POFUT2: variants seen among roughly 807,000 people sequenced by gnomAD.
The protein encoded by POFUT2 is protein O-fucosyltransferase 2, also known as GDP-fucose protein O-fucosyltransferase 2.
In POFUT2, 30 loss-of-function variants were observed where a neutral mutation model predicts 55.0. The ratio of observed to expected loss-of-function variants is 0.55; its 90% CI spans 0.41 to 0.74. The LOEUF is 0.74. POFUT2 is among the 30% of genes least tolerant of loss of function. The pLI, the probability that POFUT2 is intolerant of heterozygous loss-of-function variation, is 0.00. For synonymous variants in POFUT2, 267 were observed against 231.1 expected (o/e 1.16, Z -1.41); for missense variants, 524 against 562.6 (o/e 0.93, Z 0.69).
In POFUT2 at chr21:45,285,917, T is replaced by C. The variant is rs922990647; in HGVS notation, c.143A>G (p.Tyr48Cys). 6.2e-7 allele frequency: 1 copy of C among 1,607,132 alleles called. No individual in the cohort carries two copies. Among genetic ancestry groups the C allele is most frequent in the African/African-American group, 1.3e-5 (1 of 74,846 alleles). The change falls in exon 2 of 9, where the codon TAT becomes TGT. Residue 48 changes from tyrosine (Y) to cysteine (C), a missense_variant. Physicochemically the swap from Tyr to Cys is radical, Grantham distance 194. Coordinates refer to ENST00000349485, the MANE Select transcript of POFUT2 (RefSeq NM_133635.6). The surrounding 1 kb of genome is among the most constrained non-coding windows in gnomAD (Gnocchi z 4.9). ...GAASRRRYLL[Y>C]DVNPPEGFNL... is the part of the protein sequence containing the mutation. Reference sequence around the variant, plus strand: ...GAAGCCTTCCGGGGGGTTGACGTCATACAGAAGATACCTGAGCAGGGAGAA... The same window carrying C: ...GAAGCCTTCCGGGGGGTTGACGTCACACAGAAGATACCTGAGCAGGGAGAA...
intron 7 of POFUT2, among the ~76,000 whole-genome samples, chr21:45,268,244 C>G (rs1051612100): frequency 6.6e-6 from 1 of 152,252 alleles, no homozygotes; most frequent in Non-Finnish European, 1.5e-5. Flanking sequence ...CTCGGCCTCC[C>G]GAGGTGCTGG....
rs2093212635 is a variant in POFUT2 at position 45,270,804 on chromosome 21, A to G, written c.832-785T>C. Among the ~76,000 whole-genome samples, 1 of 152,112 alleles carries G rather than the reference A, an allele frequency of 6.6e-6. No individual in the cohort carries two copies. Among genetic ancestry groups the G allele is most frequent in the African/African-American group, 2.4e-5 (1 of 41,428 alleles). ...GGCTAGACCCAGAAGAGCAATAACA[A>G]TCACTGCAGCCCAGCTCTCAGGGAG... On this transcript the variant is annotated intron_variant, in intron 6 of 8. Transcript: ENST00000349485. The surrounding 1 kb of genome is among the most constrained non-coding windows in gnomAD (Gnocchi z 4.6).
At position 45,285,580 on chromosome 21, in the gene POFUT2, T is replaced by G; in HGVS notation, c.382+98A>C. On this transcript the variant is annotated intron_variant, in intron 2 of 8. Coordinates refer to ENST00000349485, the MANE Select transcript of POFUT2 (RefSeq NM_133635.6). This position sits in a 1 kb window ranked among gnomAD's most constrained non-coding sequence, Gnocchi z 4.9. Reference sequence around the variant, plus strand: ...GGGCACTGGAGGATGCTGGTGAGGCTGGATGCAATCGTAAGCCCAACCTGA... The same window carrying G: ...GGGCACTGGAGGATGCTGGTGAGGCGGGATGCAATCGTAAGCCCAACCTGA... 6.8e-7 allele frequency: 1 copy of G among 1,462,630 alleles called. No homozygotes were observed. The highest frequency in any genetic ancestry group is 9.5e-7 in the Non-Finnish European group (1 of 1,054,982). The allele number at this position is 1,462,630 out of a possible 1,614,324, so 90.6% of individuals were successfully genotyped here. A position where few individuals can be genotyped will look rare whatever the true frequency, so the allele number is the denominator to read the frequency against.
Position 45,281,996 on chromosome 21 carries a change from G to A in POFUT2, c.638+353C>T, listed in dbSNP as rs568955688. Among the ~76,000 whole-genome samples the A allele has an allele frequency of 6.6e-6, 1 of 152,106 alleles. No homozygotes were observed. Among genetic ancestry groups the A allele is most frequent in the Non-Finnish European group, 1.5e-5 (1 of 68,006 alleles). ...ACAGTGGGTGTTGGGTGTGGGGAGG[G>A]GGGAGGTACTGGTAAAAGCTGCCCA... On this transcript the variant is annotated intron_variant, in intron 4 of 8. Coordinates refer to ENST00000349485, the MANE Select transcript of POFUT2 (RefSeq NM_133635.6). The surrounding 1 kb of genome is among the most constrained non-coding windows in gnomAD (Gnocchi z 5.0).
At position 45,287,759 on chromosome 21, in the gene POFUT2, C is replaced by T; in HGVS notation, c.113G>A (p.Gly38Glu). Residue 38 changes from glycine to glutamate, a missense_variant, in exon 1 of 9, where the codon GGG (glycine) becomes GAG (glutamate). Gly to Glu is a moderately conservative substitution (Grantham distance 98). Coordinates refer to ENST00000349485, the MANE Select transcript of POFUT2 (RefSeq NM_133635.6). ...CGTTTACCGTCTGCGGGAAGCCGCC[C>T]CCGACAGAATATCGGCCGCCGATTG... ...PGQSAADILSGAASRRRYLLY... is the reference protein window; with the variant it reads ...PGQSAADILSEAASRRRYLLY... 6.7e-7 allele frequency: 1 copy of T among 1,494,888 alleles called. No homozygotes were observed. The highest frequency in any genetic ancestry group is 9.0e-7 in the Non-Finnish European group (1 of 1,116,830). 92.6% of individuals were successfully genotyped at this position (1,494,888 alleles called of 1,614,324 possible).
Position 45,287,824 on chromosome 21 carries a change from C to T in POFUT2, c.48G>A (p.Trp16Ter). ...CCTGGCCGGAGGCAGAAGCCGGAGG[C>T]CAGGACACTGCCCCCAGCAGCAGGA... ...FVFLLLGAVS[W>*]PPASASGQEF... is the part of the protein sequence containing the mutation. The change falls in exon 1 of 9, where the codon TGG becomes TGA. Residue 16 changes from tryptophan (W) to a stop codon, truncating the protein, a stop_gained. Coordinates refer to ENST00000349485, the MANE Select transcript of POFUT2 (RefSeq NM_133635.6). LOFTEE classifies it high-confidence loss of function. 1 of 1,497,736 alleles carries T rather than the reference C, an allele frequency of 6.7e-7. No homozygotes were observed. The highest frequency in any genetic ancestry group is 1.3e-5 in the South Asian group (1 of 79,116). The allele number at this position is 1,497,736 out of a possible 1,614,324, so 92.8% of individuals were successfully genotyped here.
intron 4 of POFUT2, 98 bp from the exon 5 acceptor site, chr21:45,278,267 A>C (rs1404943920): frequency 1.9e-6 from 2 of 1,051,724 alleles, no homozygotes; most frequent in East Asian, 4.7e-5. Context: ...GGGCCGAGGA[A>C]GCAGAGACCA....
rs550951224 is a variant in POFUT2 at position 45,284,091 on chromosome 21, C to T, written c.383-564G>A. On this transcript the variant is annotated intron_variant, in intron 2 of 8. Coordinates refer to ENST00000349485, the MANE Select transcript of POFUT2 (RefSeq NM_133635.6). This position sits in a 1 kb window ranked among gnomAD's most constrained non-coding sequence, Gnocchi z 5.8. ...CCAAGAGGTCAGCAATTAAGATCTG[C>T]TCAAAGGCAGCAGGAATAAAGCGGG... Among the ~76,000 whole-genome samples the T allele has an allele frequency of 1.2e-4, 19 of 152,160 alleles. No homozygotes were observed. Among genetic ancestry groups the T allele is most frequent in the Admixed American group, 5.2e-4 (8 of 15,284 alleles).
At position 45,277,960 on chromosome 21, in the gene POFUT2, C is replaced by T. The variant is rs577448011; in HGVS notation, c.705+143G>A. ...TGAGGCTTGGGGGTGGCACAGTCACCGCAGTTGCCCAAATCCATGGCTTAA... is the reference window on the plus strand; with the variant it reads ...TGAGGCTTGGGGGTGGCACAGTCACTGCAGTTGCCCAAATCCATGGCTTAA... On this transcript the variant is annotated intron_variant, in intron 5 of 8. Coordinates refer to ENST00000349485, the MANE Select transcript of POFUT2 (RefSeq NM_133635.6). This position sits in a 1 kb window ranked among gnomAD's most constrained non-coding sequence, Gnocchi z 6.9. 1.1e-4 allele frequency: 82 copies of T among 779,254 alleles called. No homozygotes were observed. Among genetic ancestry groups the T allele is most frequent in the African/African-American group, 7.0e-4 (41 of 58,406 alleles). 48.3% of individuals were successfully genotyped at this position (779,254 alleles called of 1,614,324 possible).
chr21:45,277,028 T>C lies in POFUT2; in HGVS notation c.820A>G (p.Met274Val). 1 of 1,614,062 alleles carries C rather than the reference T, an allele frequency of 6.2e-7. No homozygotes were observed. Residue 274 changes from methionine to valine, a missense_variant, in exon 6 of 9, where the codon ATG becomes GTG. Met to Val is a conservative substitution (Grantham distance 21). This residue lies in a region of POFUT2 where 250 missense variants were observed against 318.2 expected (regional missense o/e 0.79). Coordinates refer to ENST00000349485, the MANE Select transcript of POFUT2 (RefSeq NM_133635.6). The surrounding 1 kb of genome is among the most constrained non-coding windows in gnomAD (Gnocchi z 6.9). ...ADRIPFQEDW[M>V]KMKVKLGSAL... ...GGGAGGGGGGCTACCTTCATCTTCATCCAGTCCTCCTGGAAGGGGATCCTG... is the reference window on the plus strand; with the variant it reads ...GGGAGGGGGGCTACCTTCATCTTCACCCAGTCCTCCTGGAAGGGGATCCTG...
chr21:45,267,010 C>G lies in POFUT2; in HGVS notation c.1136+580G>C. 3.8e-6 allele frequency: 4 copies of G among 1,059,110 alleles called. No individual in the cohort carries two copies. The highest frequency in any genetic ancestry group is 3.0e-5 in the South Asian group (1 of 33,538). 65.6% of individuals were successfully genotyped at this position (1,059,110 alleles called of 1,614,324 possible). A position where few individuals can be genotyped will look rare whatever the true frequency, so the allele number is the denominator to read the frequency against. ...TGACTGCACGCAGGGCCCACGCTCC[C>G]GGCCTCTGGGACGCTCACGGCAGCC... On this transcript the variant is annotated intron_variant, in intron 8 of 8. Coordinates refer to ENST00000349485, the MANE Select transcript of POFUT2 (RefSeq NM_133635.6). This position sits in a 1 kb window ranked among gnomAD's most constrained non-coding sequence, Gnocchi z 4.4.
intron 6 of POFUT2, among the ~76,000 whole-genome samples, chr21:45,275,095 C>A (rs2093250939): frequency 6.6e-6 from 1 of 152,228 alleles, no homozygotes; most frequent in South Asian, 2.1e-4. Flanking sequence ...AACAAATAAT[C>A]CCATCAAAAC....
rs2030608295 is a variant in POFUT2 at position 45,281,294 on chromosome 21, A to G, written c.638+1055T>C. ...CTGGCAAGACTGTTCCACAGGCCCC[A>G]AACGTAGGCAGACTGGCTTCCAAAA... On this transcript the variant is annotated intron_variant, in intron 4 of 8. Transcript: ENST00000349485. This position sits in a 1 kb window ranked among gnomAD's most constrained non-coding sequence, Gnocchi z 5.0. 6.6e-6 allele frequency among the ~76,000 whole-genome samples: 1 copy of G among 152,226 alleles called. No homozygotes were observed. The highest frequency in any genetic ancestry group is 1.5e-5 in the Non-Finnish European group (1 of 68,040).
rs1250389744 is a variant in POFUT2 at position 45,287,793 on chromosome 21, A to G, written c.79T>C (p.Trp27Arg). The change falls in exon 1 of 9, where the codon TGG (tryptophan) becomes CGG (arginine). Residue 27 changes from tryptophan (W) to arginine (R), a missense_variant. Coordinates refer to ENST00000349485, the MANE Select transcript of POFUT2 (RefSeq NM_133635.6). ...PPASASGQEF[W>R]PGQSAADILS... ...ATATCGGCCGCCGATTGTCCGGGCC[A>G]GAACTCCTGGCCGGAGGCAGAAGCC... 6.6e-7 allele frequency: 1 copy of G among 1,516,544 alleles called. No individual in the cohort carries two copies. The highest frequency in any genetic ancestry group is 8.9e-7 in the Non-Finnish European group (1 of 1,128,760). 93.9% of individuals were successfully genotyped at this position (1,516,544 alleles called of 1,614,324 possible).
intron 4 of POFUT2, 58 bp from the exon 5 acceptor site, chr21:45,278,227 C>T (rs1228510512): frequency 2.8e-6 from 4 of 1,426,928 alleles, no homozygotes; most frequent in Non-Finnish European, 4.0e-6. Flanking sequence ...ATGACATTCA[C>T]ACTCTCAGAG....
In POFUT2 at chr21:45,269,908, T is replaced by G. The variant is rs1245176442; in HGVS notation, c.943A>C (p.Lys315Gln). The G allele has an allele frequency of 6.2e-7, 1 of 1,610,614 alleles. No individual in the cohort carries two copies. Among genetic ancestry groups the G allele is most frequent in the Non-Finnish European group, 8.5e-7 (1 of 1,178,998 alleles). Residue 315 changes from lysine (K) to glutamine (Q), a missense_variant, in exon 7 of 9, where the codon AAG becomes CAG. Around this residue, in one of 2 missense-constraint regions of POFUT2, gnomAD observed 250 missense variants for 318.2 expected, o/e 0.79. Transcript: ENST00000349485. ...TGGGTCTTCATGAGGCTGCGGATCTTCCTCACGGCCCCTTCCAGACTGGGT... is the reference window on the plus strand; with the variant it reads ...TGGGTCTTCATGAGGCTGCGGATCTGCCTCACGGCCCCTTCCAGACTGGGT... ...DVPSLEGAVR[K>Q]IRSLMKTHRL...
chr21:45,285,638 T>G lies in POFUT2; in HGVS notation c.382+40A>C, dbSNP rs1465255540. ...CTTAGAAATGACTGCCTGGCCCCAG[T>G]TAAGCAACCACGGCCTCCCAGCGTG... On this transcript the variant is annotated intron_variant, in intron 2 of 8. Transcript: ENST00000349485. The surrounding 1 kb of genome is among the most constrained non-coding windows in gnomAD (Gnocchi z 4.9). The G allele has an allele frequency of 3.1e-6, 5 of 1,612,278 alleles. No homozygotes were observed. The highest frequency in any genetic ancestry group is 3.4e-6 in the Non-Finnish European group (4 of 1,179,776).
chr21:45,279,358 G>A (rs2030287027), intron 4 of POFUT2, among the ~76,000 whole-genome samples: 1 of 152,124 alleles, frequency 6.6e-6, no homozygotes. Context: ...TCGCGCCACT[G>A]CACTCCAGCC....
At chr21:45,286,131 G>A (rs901405309) in intron 1 of POFUT2, among the ~76,000 whole-genome samples, 2 of 152,150 alleles carry the variant, frequency 1.3e-5, no homozygotes, top group South Asian at 2.1e-4. Context: ...TGCTAACATC[G>A]TTTTAACAAT....
Sources: allele counts gnomAD v4.1 joint callset (sites outside exome capture counted in the v4.1 genomes callset), GRCh38; gene constraint gnomAD v4.1.1; regional missense constraint gnomAD v4.1.1; non-coding constraint Gnocchi (gnomAD v3.1); transcripts MANE v1.5; gene names NCBI Gene and HGNC (gene_info 2026-07-23, HGNC 2026-07-21).